KCNK17: variants seen among roughly 807,000 people sequenced by gnomAD.
The protein encoded by KCNK17 is potassium two pore domain channel subfamily K member 17, also known as potassium channel subfamily K member 17.
KCNK17 carries 27 observed loss-of-function variants against 24.6 expected under a neutral mutation model. The observed-to-expected ratio is 1.10, with a 90% CI of 0.81 to 1.51. The LOEUF (loss-of-function observed/expected upper bound fraction) is 1.51, where lower values mean the gene tolerates loss of function less well. Among genes scored for constraint, KCNK17 ranks in the 40% most tolerant of loss-of-function variants. KCNK17 has a pLI of 0.00. For synonymous variants in KCNK17, 181 were observed against 189.8 expected (o/e 0.95, Z 0.38); for missense variants, 450 against 436.6 (o/e 1.03, Z -0.27).
intron 2 of KCNK17, among the ~76,000 whole-genome samples, chr6:39,304,953 A>C (rs1336216848): frequency 1.3e-5 from 2 of 152,184 alleles, no homozygotes; most frequent in East Asian, 3.9e-4. Flanking sequence ...AAACCCACCA[A>C]ATGTGAGTCT....
Position 39,299,729 on chromosome 6 carries a change from G to T in KCNK17, c.697C>A (p.Pro233Thr). 1.2e-6 allele frequency: 2 copies of T among 1,612,684 alleles called. No individual in the cohort carries two copies. The highest frequency in any genetic ancestry group is 8.5e-7 in the Non-Finnish European group (1 of 1,178,828). ...TACCACAGTGGGTACCTCTGGGAGG[G>T]GTTCATTCCTGGGGAAGAGGCAAGG... ...GFGDYVIGMN[P>T]SQRYPLWYKN... The change falls in exon 5 of 5, where the codon CCC becomes ACC. Residue 233 changes from proline (P) to threonine (T), a missense_variant. Coordinates refer to ENST00000373231, the MANE Select transcript of KCNK17 (RefSeq NM_031460.4).
At chr6:39,310,747 C>A in intron 2 of KCNK17, 146 bp downstream of exon 2, 1 of 588,830 alleles carries the variant, frequency 1.7e-6, no homozygotes, top group Non-Finnish European at 3.0e-6. Flanking sequence ...GAGACTGCTC[C>A]CAGGCGGTGT....
rs1762125163 is a variant in KCNK17, at chr6:39,311,006, T to C, written c.239A>G (p.Asp80Gly). Residue 80 changes from aspartate to glycine, a missense_variant and splice_region_variant, in exon 2 of 5, where the codon GAT (aspartate) becomes GGT (glycine). Coordinates refer to ENST00000373231, the MANE Select transcript of KCNK17 (RefSeq NM_031460.4). ...DRPALDSLIRDVVQAYKNGAS... is the reference protein window; with the variant it reads ...DRPALDSLIRGVVQAYKNGAS... ...TCCGTTTTTGTATGCTTGGACGACA[T>C]CCTGGGGAAGAGGCTGCAATGACCA... 1 of 1,598,134 alleles carries C rather than the reference T, an allele frequency of 6.3e-7. No individual in the cohort carries two copies. The highest frequency in any genetic ancestry group is 1.3e-5 in the African/African-American group (1 of 74,270).
intron 1 of KCNK17, among the ~76,000 whole-genome samples, chr6:39,312,052 C>T (rs538160886): frequency 9.9e-5 from 15 of 152,280 alleles, no homozygotes; most frequent in Admixed American, 2.0e-4. Context: ...GAGTGATAGA[C>T]GGGCCCTGGC....
At chr6:39,311,123 C>A in intron 1 of KCNK17, 116 bp from the exon 2 acceptor site, 1 of 589,130 alleles carries the variant, frequency 1.7e-6, no homozygotes, top group East Asian at 2.9e-5. Context: ...CACACACAAA[C>A]AAACCTACAC....
rs893930535 is a variant in KCNK17 at position 39,304,388 on chromosome 6, C to T, written c.513+107G>A. 4.8e-6 allele frequency: 5 copies of T among 1,051,626 alleles called. No homozygotes were observed. In the Admixed American group the frequency reaches 9.8e-5, roughly 21 times the overall value. The allele number at this position is 1,051,626 out of a possible 1,614,324, so 65.1% of individuals were successfully genotyped here. A position where few individuals can be genotyped will look rare whatever the true frequency, so the allele number is the denominator to read the frequency against. ...GTGACCCCCAATCCCAACACAACCT[C>T]ACCAGTAACACTTGCTCCCACCTCT... On this transcript the variant is annotated intron_variant, in intron 3 of 4. Transcript: ENST00000373231.
At position 39,311,002 on chromosome 6, in the gene KCNK17, GAC is replaced by G. The variant is rs1562084207; in HGVS notation, c.241_242del (p.Val81ArgfsTer93). The G allele has an allele frequency of 1.1e-5, 17 of 1,599,556 alleles. No individual in the cohort carries two copies. The South Asian group carries it at 1.9e-4, about 18-fold the overall frequency. On this transcript the variant is annotated frameshift_variant, in exon 2 of 5. Coordinates refer to ENST00000373231, the MANE Select transcript of KCNK17 (RefSeq NM_031460.4). LOFTEE classifies it high-confidence loss of function. ...TGGCTCCGTTTTTGTATGCTTGGAC[GAC>G]ATCCTGGGGAAGAGGCTGCAATGAC... ...RPALDSLIRD[V>X]VQAYKNGASL... is the part of the protein sequence containing the mutation.
intron 2 of KCNK17, among the ~76,000 whole-genome samples, chr6:39,308,223 CCA>C (rs1762068976): frequency 6.6e-6 from 1 of 152,194 alleles, no homozygotes; most frequent in African/African-American, 2.4e-5. Context: ...ATCCTCAGCA[CCA>C]GTGTCTGGCC....
At chr6:39,303,857 C>T (rs1358661235) in intron 4 of KCNK17, 100 bp downstream of exon 4, 24 of 1,349,166 alleles carry the variant, frequency 1.8e-5, no homozygotes, top group Non-Finnish European at 2.1e-6. Flanking sequence ...AAAGCCCCCA[C>T]ATGGCGTGCA....
rs1371557937 is a variant in KCNK17 at position 39,311,115 on chromosome 6, CACACAA to C, written c.238-114_238-109del. The C allele has an allele frequency of 4.3e-4, 219 of 510,358 alleles. No individual in the cohort carries two copies. The African/African-American group carries it at 4.5e-3, about 10-fold the overall frequency. The allele number at this position is 510,358 out of a possible 1,614,324, so 31.6% of individuals were successfully genotyped here. On this transcript the variant is annotated intron_variant, in intron 1 of 4. Coordinates refer to ENST00000373231, the MANE Select transcript of KCNK17 (RefSeq NM_031460.4). ...ACACACACACACACACACACACACA[CACACAA>C]ACAAACCTACACACACAGCCCTCAC...
chr6:39,300,408 G>A, intron 4 of KCNK17: 2 of 1,346,134 alleles, frequency 1.5e-6, no homozygotes, highest in South Asian at 2.5e-5. Flanking sequence ...ACAGGTGTGA[G>A]CCACCGTGCC....
intron 2 of KCNK17, among the ~76,000 whole-genome samples, chr6:39,306,963 C>T (rs2113837907): frequency 6.6e-6 from 1 of 152,144 alleles, no homozygotes; most frequent in South Asian, 2.1e-4. Context: ...GGGGTTTCAC[C>T]ATGTTGGCCA....
chr6:39,307,097 T>C (rs1182694519), intron 2 of KCNK17, among the ~76,000 whole-genome samples: 3 of 151,956 alleles, frequency 2.0e-5, no homozygotes, highest in Non-Finnish European at 4.4e-5. Flanking sequence ...CTGTCCTTCC[T>C]CTCTCTCTCT....
chr6:39,300,236 C>T (rs1302733415), intron 4 of KCNK17: 3 of 526,128 alleles, frequency 5.7e-6, no homozygotes, highest in South Asian at 2.1e-5. Flanking sequence ...GATTCTCCTG[C>T]CTCAGCCTCC....
chr6:39,303,438 T>C (rs1052548127), intron 4 of KCNK17, among the ~76,000 whole-genome samples: 1 of 152,174 alleles, frequency 6.6e-6, no homozygotes, highest in Non-Finnish European at 1.5e-5. Flanking sequence ...CTAGGTTGGG[T>C]TGTGCCACTG....
chr6:39,314,375 G>T lies in KCNK17; in HGVS notation c.-55C>A. ...AGCGGTGGACTAGGACCCGGTGGGA[G>T]GGAAGGGCCAGGCGTCCAGCTCGTA... On this transcript the variant is annotated 5_prime_UTR_variant, in exon 1 of 5. Coordinates refer to ENST00000373231, the MANE Select transcript of KCNK17 (RefSeq NM_031460.4). The T allele has an allele frequency of 1.6e-6, 2 of 1,266,856 alleles. No homozygotes were observed. Among genetic ancestry groups the T allele is most frequent in the South Asian group, 1.7e-5 (1 of 58,350 alleles). 78.5% of individuals were successfully genotyped at this position (1,266,856 alleles called of 1,614,324 possible). A position where few individuals can be genotyped will look rare whatever the true frequency, so the allele number is the denominator to read the frequency against.
chr6:39,312,391 G>A (rs1186221076), intron 1 of KCNK17, among the ~76,000 whole-genome samples: 1 of 152,132 alleles, frequency 6.6e-6, no homozygotes, highest in Non-Finnish European at 1.5e-5. Context: ...GGGGTGGAGG[G>A]AGTTGAAGGG....
At chr6:39,307,848 T>C (rs1762061353) in intron 2 of KCNK17, among the ~76,000 whole-genome samples, 1 of 152,214 alleles carries the variant, frequency 6.6e-6, no homozygotes, top group Non-Finnish European at 1.5e-5. Flanking sequence ...ATGCAGCTCC[T>C]GTTTCCAACC....
At chr6:39,301,205 A>T (rs1435829170) in intron 4 of KCNK17, among the ~76,000 whole-genome samples, 2 of 152,174 alleles carry the variant, frequency 1.3e-5, no homozygotes, top group African/African-American at 4.8e-5. Flanking sequence ...GATTTGCCCT[A>T]TCATTTAGTA....
Sources: gnomAD v4.1 joint callset for allele counts (sites outside exome capture counted in the v4.1 genomes callset) on GRCh38, gnomAD v4.1.1 for gene constraint, MANE v1.5 for transcripts, NCBI Gene and HGNC (gene_info 2026-07-23, HGNC 2026-07-21) for gene names.